Variants in ANKRD33B observed in about 807,000 individuals in gnomAD.
The protein encoded by ANKRD33B is ankyrin repeat domain 33B.
ANKRD33B carries 6 observed loss-of-function variants against 21.5 expected under a neutral mutation model. The ratio of observed to expected loss-of-function variants is 0.28; its 90% CI spans 0.15 to 0.55. ANKRD33B has a LOEUF of 0.55. ANKRD33B is among the 20% of genes least tolerant of loss of function. The pLI, the probability that ANKRD33B is intolerant of heterozygous loss-of-function variation, is 0.94. For synonymous variants in ANKRD33B, 347 were observed against 342.4 expected (o/e 1.01, Z -0.15); for missense variants, 698 against 747.2 (o/e 0.93, Z 0.77).
Position 10,649,268 on chromosome 5 carries a change from G to A in ANKRD33B, c.640G>A (p.Ala214Thr). Residue 214 changes from alanine to threonine, a missense_variant and splice_region_variant, in exon 4 of 4, where the codon GCG (alanine) becomes ACG (threonine). Coordinates refer to ENST00000296657, the MANE Select transcript of ANKRD33B (RefSeq NM_001164440.2). ...TGTTTGTGTTTTGCGTTTTGCAGGGGCGGATGTCCACGCGAGGGACCCCCG... is the reference window on the plus strand; with the variant it reads ...TGTTTGTGTTTTGCGTTTTGCAGGGACGGATGTCCACGCGAGGGACCCCCG... ...DCIRALMLAGADVHARDPRRG... is the reference protein window; with the variant it reads ...DCIRALMLAGTDVHARDPRRG... 1 of 1,520,642 alleles carries A rather than the reference G, an allele frequency of 6.6e-7. No individual in the cohort carries two copies. 94.2% of individuals were successfully genotyped at this position (1,520,642 alleles called of 1,614,324 possible).
At chr5:10,583,290 G>A (rs911425625) in intron 1 of ANKRD33B, among the ~76,000 whole-genome samples, 3 of 152,218 alleles carry the variant, frequency 2.0e-5, no homozygotes, top group Non-Finnish European at 4.4e-5. Flanking sequence ...GCGAGCCACC[G>A]CGCCCGACCT....
chr5:10,630,870 CA>C (rs34531639), intron 2 of ANKRD33B, among the ~76,000 whole-genome samples: 243 of 119,058 alleles, frequency 2.0e-3, no homozygotes, highest in Middle Eastern at 4.4e-3. Context: ...GAGACTGTGT[CA>C]AAAAAAAAAA....
At chr5:10,613,281 A>ATT (rs10572843) in intron 1 of ANKRD33B, among the ~76,000 whole-genome samples, 3 of 131,714 alleles carry the variant, frequency 2.3e-5, no homozygotes, top group African/African-American at 5.6e-5. Flanking sequence ...CTTAATGAGG[A>ATT]TTTTTTTTTT....
chr5:10,603,112 C>T (rs1300766802), intron 1 of ANKRD33B, among the ~76,000 whole-genome samples: 2 of 152,044 alleles, frequency 1.3e-5, no homozygotes, highest in Non-Finnish European at 2.9e-5. Context: ...CCGTGCCCGG[C>T]CTGATGGTCT....
At chr5:10,606,163 A>G (rs1736041067) in intron 1 of ANKRD33B, among the ~76,000 whole-genome samples, 1 of 152,238 alleles carries the variant, frequency 6.6e-6, no homozygotes, top group Non-Finnish European at 1.5e-5. Context: ...GTGGTTTCAT[A>G]CATTACTAAT....
In ANKRD33B at chr5:10,619,196, C is replaced by G. The variant is rs1736356685; in HGVS notation, c.496+734C>G. On this transcript the variant is annotated intron_variant, in intron 2 of 3. Transcript: ENST00000296657. The surrounding 1 kb of genome is among the most constrained non-coding windows in gnomAD (Gnocchi z 4.5). ...TGACCCCTTTCACATTTCTTTGCCT[C>G]CAAAGATTCTGTCTGTTTCATCGGT... 12 of 583,796 alleles carry G rather than the reference C, an allele frequency of 2.1e-5. No individual in the cohort carries two copies. Among genetic ancestry groups the G allele is most frequent in the Non-Finnish European group, 2.4e-5 (11 of 463,418 alleles). 36.2% of individuals were successfully genotyped at this position (583,796 alleles called of 1,614,324 possible).
chr5:10,571,351 G>A (rs571518896), intron 1 of ANKRD33B, among the ~76,000 whole-genome samples: 10 of 152,264 alleles, frequency 6.6e-5, no homozygotes, highest in African/African-American at 2.2e-4. Context: ...ACAGGCATGC[G>A]TCACGATGCC....
Position 10,591,227 on chromosome 5 carries a change from C to T in ANKRD33B, c.366+26394C>T, listed in dbSNP as rs183177106. 4.6e-5 allele frequency among the ~76,000 whole-genome samples: 5 copies of T among 109,286 alleles called. No individual in the cohort carries two copies. The East Asian group carries it at 1.0e-3, about 22-fold the overall frequency. 71.7% of individuals were successfully genotyped at this position (109,286 alleles called of 152,430 possible). On this transcript the variant is annotated intron_variant, in intron 1 of 3. Transcript: ENST00000296657. ...TTTTTTTTTGAGATGGAGTCTCATT[C>T]GGTTGCCCAGGCTGGAGTGCAGTGG... is the stretch of plus-strand genomic sequence containing the variant.
intron 1 of ANKRD33B, among the ~76,000 whole-genome samples, chr5:10,616,261 A>G (rs1736280506): frequency 6.6e-6 from 1 of 152,106 alleles, no homozygotes; most frequent in African/African-American, 2.4e-5. Flanking sequence ...TGTTCCATGA[A>G]AAATTATATT....
chr5:10,619,209 C>G lies in ANKRD33B; in HGVS notation c.496+747C>G, dbSNP rs1736357253. The G allele has an allele frequency of 1.6e-5, 11 of 692,836 alleles. No individual in the cohort carries two copies. Among genetic ancestry groups the G allele is most frequent in the Non-Finnish European group, 2.0e-5 (11 of 562,990 alleles). The allele number at this position is 692,836 out of a possible 1,614,324, so 42.9% of individuals were successfully genotyped here. The stretch of plus-strand genomic sequence containing the variant: ...ATTTCTTTGCCTCCAAAGATTCTGT[C>G]TGTTTCATCGGTCAAGTTCTCAGTT... On this transcript the variant is annotated intron_variant, in intron 2 of 3. Transcript: ENST00000296657. This position sits in a 1 kb window ranked among gnomAD's most constrained non-coding sequence, Gnocchi z 4.5.
chr5:10,620,239 G>A (rs368537924), intron 2 of ANKRD33B, among the ~76,000 whole-genome samples: 66 of 152,240 alleles, frequency 4.3e-4, no homozygotes, highest in Middle Eastern at 3.4e-3. Context: ...GTGGTGATGC[G>A]GGCCATGGAG....
At chr5:10,573,652 AAAAGGC>A (rs1420285931) in intron 1 of ANKRD33B, among the ~76,000 whole-genome samples, 7 of 152,154 alleles carry the variant, frequency 4.6e-5, no homozygotes, top group Admixed American at 2.6e-4. Flanking sequence ...CAATCATGGC[AAAAGGC>A]AAAGGGGAAG....
chr5:10,564,907 C>G, intron 1 of ANKRD33B, 74 bp downstream of exon 1: 1 of 1,430,192 alleles, frequency 7.0e-7, no homozygotes, highest in Non-Finnish European at 9.2e-7. Context: ...CATCCCCGCG[C>G]CTCCCAGCTC....
intron 2 of ANKRD33B, among the ~76,000 whole-genome samples, chr5:10,637,463 C>T (rs1191938000): frequency 2.6e-5 from 3 of 113,844 alleles, no homozygotes; most frequent in African/African-American, 6.7e-5. Context: ...CACACACACA[C>T]GGCGGCGGGG....
intron 1 of ANKRD33B, among the ~76,000 whole-genome samples, chr5:10,579,360 T>A (rs1735392501): frequency 6.6e-6 from 1 of 151,992 alleles, no homozygotes; most frequent in Admixed American, 6.6e-5. Flanking sequence ...ATGGTTTTTT[T>A]TTTTTTGGAA....
In ANKRD33B at chr5:10,649,789, C is replaced by A. The variant is rs1737291340; in HGVS notation, c.1161C>A (p.Leu387=). The A allele has an allele frequency of 8.6e-6, 12 of 1,397,156 alleles. No homozygotes were observed. Among genetic ancestry groups the A allele is most frequent in the Non-Finnish European group, 1.0e-5 (11 of 1,082,144 alleles). The allele number at this position is 1,397,156 out of a possible 1,614,324, so 86.5% of individuals were successfully genotyped here. A position where few individuals can be genotyped will look rare whatever the true frequency, so the allele number is the denominator to read the frequency against. The part of the protein sequence containing the change: ...DSREGSPRAG[L]PPALGSRGPA... ...GGGAGGGCTCCCCGAGAGCCGGCCT[C>A]CCTCCCGCCCTGGGGTCCCGGGGCC... The change falls in exon 4 of 4, where the codon CTC becomes CTA. Residue 387 remains leucine, a synonymous_variant. Transcript: ENST00000296657.
chr5:10,564,536 C>T lies in ANKRD33B; in HGVS notation c.69C>T (p.Ser23=). 6.5e-7 allele frequency: 1 copy of T among 1,532,986 alleles called. No individual in the cohort carries two copies. The highest frequency in any genetic ancestry group is 8.7e-7 in the Non-Finnish European group (1 of 1,146,052). 95.0% of individuals were successfully genotyped at this position (1,532,986 alleles called of 1,614,324 possible). The change falls in exon 1 of 4, where the codon TCC becomes TCT. Residue 23 remains serine (S), a synonymous_variant. Transcript: ENST00000296657. ...GARCMTPPPP[S]PPRGAQVEED... ...GCTGCATGACCCCACCACCGCCGTCCCCACCCCGGGGCGCGCAGGTCGAGG... is the reference window on the plus strand; with the variant it reads ...GCTGCATGACCCCACCACCGCCGTCTCCACCCCGGGGCGCGCAGGTCGAGG...
chr5:10,649,786 C>T lies in ANKRD33B; in HGVS notation c.1158C>T (p.Gly386=), dbSNP rs987450535. ...ADSREGSPRA[G]LPPALGSRGP... ...CCCGGGAGGGCTCCCCGAGAGCCGGCCTCCCTCCCGCCCTGGGGTCCCGGG... is the reference window on the plus strand; with the variant it reads ...CCCGGGAGGGCTCCCCGAGAGCCGGTCTCCCTCCCGCCCTGGGGTCCCGGG... The change falls in exon 4 of 4, where the codon GGC becomes GGT. Residue 386 remains glycine, a synonymous_variant. Coordinates refer to ENST00000296657, the MANE Select transcript of ANKRD33B (RefSeq NM_001164440.2). The T allele has an allele frequency of 4.3e-6, 6 of 1,400,502 alleles. No individual in the cohort carries two copies. The highest frequency in any genetic ancestry group is 5.5e-6 in the Non-Finnish European group (6 of 1,083,816). The allele number at this position is 1,400,502 out of a possible 1,614,324, so 86.8% of individuals were successfully genotyped here. A position where few individuals can be genotyped will look rare whatever the true frequency, so the allele number is the denominator to read the frequency against.
At position 10,651,775 on chromosome 5, in the gene ANKRD33B, C is replaced by T. The variant is rs1334293241; in HGVS notation, c.*1662C>T. The T allele has an allele frequency of 6.6e-6, 1 of 152,420 alleles. No homozygotes were observed. The highest frequency in any genetic ancestry group is 1.5e-5 in the Non-Finnish European group (1 of 68,126). The allele number at this position is 152,420 out of a possible 1,614,324, so 9.4% of individuals were successfully genotyped here. On this transcript the variant is annotated 3_prime_UTR_variant, in exon 4 of 4. Transcript: ENST00000296657. ...CTCCATACTCCCTTCCACTTGGCAC[C>T]AGCAGGCATCGAGCAACCAGGGATC... is the stretch of plus-strand genomic sequence containing the variant.
Sources: gnomAD v4.1 joint callset for allele counts (sites outside exome capture counted in the v4.1 genomes callset) on GRCh38, gnomAD v4.1.1 for gene constraint, Gnocchi (gnomAD v3.1) non-coding constraint, MANE v1.5 for transcripts, NCBI Gene and HGNC (gene_info 2026-07-23, HGNC 2026-07-21) for gene names.